The following LRRC37A2 variants were observed in gnomAD, a reference collection of about 807,000 sequenced individuals.
The protein encoded by LRRC37A2 is leucine-rich repeat-containing protein 37A2.
LRRC37A2 carries 9 observed loss-of-function variants against 68.8 expected under a neutral mutation model. That is an observed-to-expected ratio of 0.13 (90% CI 0.08 to 0.23). The LOEUF (loss-of-function observed/expected upper bound fraction) is 0.23. Ranked by LOEUF, LRRC37A2 falls within the 10% of genes least tolerant of loss-of-function variation. The pLI is 1.00. For synonymous variants in LRRC37A2, 63 were observed against 367.6 expected (o/e 0.17, Z 9.48); for missense variants, 168 against 950.4 (o/e 0.18, Z 10.82).
the LRRC37A2 span, chr17:46,935,237 G>A: frequency 1.2e-6 from 2 of 1,610,608 alleles, no homozygotes; most frequent in Non-Finnish European, 1.7e-6. Flanking sequence ...TTTAGTAACT[G>A]TGTTTATATT....
chr17:46,788,759 A>G, the LRRC37A2 span, among the ~76,000 whole-genome samples: 63 of 150,480 alleles, frequency 4.2e-4, no homozygotes, highest in African/African-American at 1.5e-3. Context: ...CCCTGCGAGG[A>G]CCTCCCTGCC....
the LRRC37A2 span, among the ~76,000 whole-genome samples, chr17:46,826,650 A>G: frequency 1.3e-5 from 2 of 152,240 alleles, no homozygotes; most frequent in South Asian, 4.1e-4. Context: ...CAAAATGGGT[A>G]TAATAACACT....
chr17:46,760,752 CTT>C, the LRRC37A2 span, among the ~76,000 whole-genome samples: 7 of 151,692 alleles, frequency 4.6e-5, no homozygotes, highest in Non-Finnish European at 1.5e-5. Flanking sequence ...AAATCTAAAA[CTT>C]TTCAGCACCG....
At chr17:46,589,351 T>C in the LRRC37A2 span, among the ~76,000 whole-genome samples, 1 of 132,654 alleles carries the variant, frequency 7.5e-6, no homozygotes, top group Admixed American at 7.2e-5. Flanking sequence ...TTTTTTTTTT[T>C]TTTTTTTTTT....
chr17:46,864,258 T>C, the LRRC37A2 span, among the ~76,000 whole-genome samples: 1 of 152,154 alleles, frequency 6.6e-6, no homozygotes, highest in Non-Finnish European at 1.5e-5. Context: ...GGGTAGGAAC[T>C]TGCCACCAGG....
chr17:46,793,158 C>T, the LRRC37A2 span, among the ~76,000 whole-genome samples: 1 of 150,266 alleles, frequency 6.7e-6, no homozygotes, highest in African/African-American at 2.4e-5. Context: ...CCTGTAGTCC[C>T]AGCTACTTGA....
the LRRC37A2 span, among the ~76,000 whole-genome samples, chr17:46,972,626 C>G: frequency 6.6e-6 from 1 of 152,222 alleles, no homozygotes; most frequent in Non-Finnish European, 1.5e-5. Flanking sequence ...GTTCCATGTC[C>G]CGGGCTTTCT....
the LRRC37A2 span, among the ~76,000 whole-genome samples, chr17:46,742,305 A>G: frequency 1.3e-5 from 2 of 152,174 alleles, no homozygotes; most frequent in Non-Finnish European, 2.9e-5. Flanking sequence ...ACTTAATATA[A>G]TGTGCATTTT....
At chr17:46,768,338 G>A in the LRRC37A2 span, 3 of 1,613,718 alleles carry the variant, frequency 1.9e-6, no homozygotes, top group Non-Finnish European at 2.5e-6. The surrounding 1 kb of genome is among the most constrained non-coding windows in gnomAD (Gnocchi z 5.0). Flanking sequence ...AGGTGTGCAC[G>A]TCGTAGATGC....
the LRRC37A2 span, among the ~76,000 whole-genome samples, chr17:46,965,605 T>C: frequency 2.2e-5 from 3 of 138,548 alleles, no homozygotes; most frequent in Non-Finnish European, 3.1e-5. Flanking sequence ...CCCTTCTGTT[T>C]TCCAGCAATG....
the LRRC37A2 span, among the ~76,000 whole-genome samples, chr17:46,892,233 T>C: frequency 6.6e-6 from 1 of 152,046 alleles, no homozygotes. Context: ...CCTTTATGCT[T>C]GGTGGCTGGA....
At chr17:46,913,775 A>G in the LRRC37A2 span, among the ~76,000 whole-genome samples, 1 of 151,962 alleles carries the variant, frequency 6.6e-6, no homozygotes, top group African/African-American at 2.4e-5. Context: ...ATTTTTATTT[A>G]TTTTGACAGA....
the LRRC37A2 span, among the ~76,000 whole-genome samples, chr17:46,488,688 G>A: frequency 7.1e-6 from 1 of 140,046 alleles, no homozygotes; most frequent in Admixed American, 7.2e-5. Context: ...CTGGGTGACA[G>A]AACGAGACTC....
chr17:46,919,512 C>A, the LRRC37A2 span, among the ~76,000 whole-genome samples: 1 of 152,102 alleles, frequency 6.6e-6, no homozygotes, highest in African/African-American at 2.4e-5. Flanking sequence ...CCCAGGGATG[C>A]CATGAGACCC....
the LRRC37A2 span, among the ~76,000 whole-genome samples, chr17:47,022,684 T>C: frequency 6.6e-6 from 1 of 152,256 alleles, no homozygotes; most frequent in Non-Finnish European, 1.5e-5. Flanking sequence ...GGTAACATCT[T>C]ACAACGTGAT....
At chr17:47,027,579 C>G in the LRRC37A2 span, 1 of 1,354,896 alleles carries the variant, frequency 7.4e-7, no homozygotes, top group Non-Finnish European at 1.1e-6. Flanking sequence ...CAATAAAATA[C>G]AGTCTATTGA....
chr17:46,400,184 C>T, the LRRC37A2 span, among the ~76,000 whole-genome samples: 1 of 151,800 alleles, frequency 6.6e-6, no homozygotes, highest in Non-Finnish European at 1.5e-5. Flanking sequence ...CCTGCTGGCC[C>T]AGTAGATGGG....
the LRRC37A2 span, chr17:46,714,027 A>T: frequency 6.3e-7 from 1 of 1,580,188 alleles, no homozygotes; most frequent in Non-Finnish European, 8.6e-7. Context: ...CTATCTCTTA[A>T]ATGTGTGTGT....
chr17:46,716,831 T>C, the LRRC37A2 span, among the ~76,000 whole-genome samples: 21 of 152,306 alleles, frequency 1.4e-4, no homozygotes, highest in East Asian at 3.7e-3. Context: ...CCCTTATATA[T>C]TGGGGATTAC....
Sources: allele counts gnomAD v4.1 joint callset (sites outside exome capture counted in the v4.1 genomes callset), GRCh38; gene constraint gnomAD v4.1.1; non-coding constraint Gnocchi (gnomAD v3.1); transcripts MANE v1.5; gene names NCBI Gene and HGNC (gene_info 2026-07-23, HGNC 2026-07-21).